CALD1: variants seen among roughly 807,000 people sequenced by gnomAD.
The protein encoded by CALD1 is caldesmon.
CALD1 carries 33 observed loss-of-function variants against 99.9 expected under a neutral mutation model. The observed-to-expected ratio is 0.33, with a 90% confidence interval of 0.25 to 0.44. CALD1 has a LOEUF of 0.44. Among genes scored for constraint, CALD1 ranks in the 20% least tolerant of loss-of-function variants. CALD1 has a pLI of 1.00. For missense variants in CALD1, 861 were observed against 962.1 expected (o/e 0.89, Z 1.39); for synonymous variants, 310 against 325.0 (o/e 0.95, Z 0.50).
chr7:134,729,775 C>T, the CALD1 span, among the ~76,000 whole-genome samples: 1 of 152,192 alleles, frequency 6.6e-6, no homozygotes, highest in Non-Finnish European at 1.5e-5. Context: ...TCAAGAGGAG[C>T]TTTGAGTGAT....
intron 1 of CALD1, among the ~76,000 whole-genome samples, chr7:134,745,104 TA>T (rs1333745467): frequency 6.6e-6 from 1 of 152,208 alleles, no homozygotes; most frequent in African/African-American, 2.4e-5. Flanking sequence ...AGTGTGTGTT[TA>T]ATTAATAAAA....
intron 1 of CALD1, among the ~76,000 whole-genome samples, chr7:134,805,448 T>A (rs966653523): frequency 7.9e-5 from 12 of 152,326 alleles, no homozygotes; most frequent in African/African-American, 2.2e-4. Context: ...TTTTATAACA[T>A]CCTGATCCTC....
At chr7:134,890,913 T>G (rs901382037) in intron 3 of CALD1, among the ~76,000 whole-genome samples, 1 of 152,230 alleles carries the variant, frequency 6.6e-6, no homozygotes, top group African/African-American at 2.4e-5. Flanking sequence ...TTGGTTTGCA[T>G]TTTTATGTCA....
intron 3 of CALD1, among the ~76,000 whole-genome samples, chr7:134,889,800 A>C (rs1332626688): frequency 6.6e-6 from 1 of 152,242 alleles, no homozygotes; most frequent in Non-Finnish European, 1.5e-5. Flanking sequence ...TCATATGTGT[A>C]ATCAGAGATA....
chr7:134,736,517 A>G, the CALD1 span, among the ~76,000 whole-genome samples: 1 of 152,208 alleles, frequency 6.6e-6, no homozygotes, highest in Non-Finnish European at 1.5e-5. Flanking sequence ...GACTCCAAAG[A>G]GAAATCACAT....
chr7:134,741,892 C>A (rs928059529), upstream of CALD1, among the ~76,000 whole-genome samples: 1 of 152,146 alleles, frequency 6.6e-6, no homozygotes, highest in Non-Finnish European at 1.5e-5. Flanking sequence ...TAAATGCCTA[C>A]TATGTTCCAG....
intron 3 of CALD1, among the ~76,000 whole-genome samples, chr7:134,906,242 A>G (rs552445312): frequency 6.6e-6 from 1 of 152,166 alleles, no homozygotes; most frequent in South Asian, 2.1e-4. Flanking sequence ...ACTTCTCTAT[A>G]TCTTAAGTTC....
At chr7:134,940,238 C>A (rs994447622) in intron 6 of CALD1, among the ~76,000 whole-genome samples, 1 of 152,100 alleles carries the variant, frequency 6.6e-6, no homozygotes, top group African/African-American at 2.4e-5. Flanking sequence ...AATTCCTTTA[C>A]CCCCTCCCCC....
At chr7:134,776,100 C>T (rs1466723404), upstream of CALD1, among the ~76,000 whole-genome samples, 1 of 152,134 alleles carries the variant, frequency 6.6e-6, no homozygotes, top group African/African-American at 2.4e-5. Flanking sequence ...ACCTTTATTT[C>T]TCTTTCTAAT....
At chr7:134,780,670 T>C (rs537972301) in intron 1 of CALD1, among the ~76,000 whole-genome samples, 1 of 152,228 alleles carries the variant, frequency 6.6e-6, no homozygotes, top group East Asian at 1.9e-4. Context: ...AAAGAGCTGA[T>C]GGCAAGGGGT....
At position 134,970,580 on chromosome 7, in the gene CALD1, C is replaced by T. The variant is rs777933106; in HGVS notation, c.*2235C>T. Reference sequence around the variant, plus strand: ...TTGATACTTTTCACTGATAATGGATCGCTCCAATAAACATATATTGTGAAA... The same window carrying T: ...TTGATACTTTTCACTGATAATGGATTGCTCCAATAAACATATATTGTGAAA... On this transcript the variant is annotated 3_prime_UTR_variant, in exon 15 of 15. Coordinates refer to ENST00000361675, the MANE Select transcript of CALD1 (RefSeq NM_033138.4). The T allele has an allele frequency of 6.6e-6, 1 of 152,576 alleles. No homozygotes were observed. The highest frequency in any genetic ancestry group is 1.5e-5 in the Non-Finnish European group (1 of 68,028). The allele number at this position is 152,576 out of a possible 1,614,324, so 9.5% of individuals were successfully genotyped here.
the CALD1 span, among the ~76,000 whole-genome samples, chr7:134,737,030 T>A: frequency 6.6e-6 from 1 of 152,204 alleles, no homozygotes; most frequent in Admixed American, 6.5e-5. Context: ...TTTATGTATA[T>A]ATATCTGGAT....
At chr7:134,758,992 G>A (rs1259855179) in intron 1 of CALD1, among the ~76,000 whole-genome samples, 1 of 152,120 alleles carries the variant, frequency 6.6e-6, no homozygotes, top group African/African-American at 2.4e-5. Context: ...CAATTATTAG[G>A]CATTTATTCC....
chr7:134,964,770 C>T (rs1808544985), intron 13 of CALD1, among the ~76,000 whole-genome samples: 1 of 152,062 alleles, frequency 6.6e-6, no homozygotes, highest in Non-Finnish European at 1.5e-5. Flanking sequence ...TGTAAGAGTG[C>T]AGAAATTTAA....
intron 1 of CALD1, among the ~76,000 whole-genome samples, chr7:134,754,278 T>C (rs542544549): frequency 3.3e-5 from 5 of 152,146 alleles, no homozygotes; most frequent in Admixed American, 2.0e-4. Flanking sequence ...AGTAAGACCA[T>C]CTTCTTTAGG....
At chr7:134,862,621 C>T (rs995104967) in intron 2 of CALD1, among the ~76,000 whole-genome samples, 3 of 152,100 alleles carry the variant, frequency 2.0e-5, no homozygotes, top group African/African-American at 7.2e-5. Flanking sequence ...GGCAGTGAAG[C>T]TATTCTGTAT....
At chr7:134,892,387 C>A (rs957134984) in intron 3 of CALD1, among the ~76,000 whole-genome samples, 1 of 152,204 alleles carries the variant, frequency 6.6e-6, no homozygotes, top group African/African-American at 2.4e-5. Context: ...GCCGTTTTCA[C>A]ACTGGTGTTT....
At chr7:134,880,845 A>C (rs1037091619) in intron 3 of CALD1, among the ~76,000 whole-genome samples, 13 of 152,298 alleles carry the variant, frequency 8.5e-5, no homozygotes, top group Admixed American at 2.0e-4. Flanking sequence ...CAGCATCTTC[A>C]TAGCATATCC....
chr7:134,775,057 A>G (rs1796906459), upstream of CALD1, among the ~76,000 whole-genome samples: 1 of 152,146 alleles, frequency 6.6e-6, no homozygotes, highest in Non-Finnish European at 1.5e-5. Context: ...ATTTTTTTCT[A>G]ATCATTTCTG....
Sources: gnomAD v4.1 joint callset for allele counts (sites outside exome capture counted in the v4.1 genomes callset) on GRCh38, gnomAD v4.1.1 for gene constraint, MANE v1.5 for transcripts, NCBI Gene and HGNC (gene_info 2026-07-23, HGNC 2026-07-21) for gene names.